Variants in KCNMB4 observed in about 807,000 individuals in gnomAD.
The protein encoded by KCNMB4 is potassium calcium-activated channel subfamily M regulatory beta subunit 4, also known as calcium-activated potassium channel subunit beta-4.
KCNMB4 carries 3 observed loss-of-function variants against 20.7 expected under a neutral mutation model. That is an observed-to-expected ratio of 0.14 (90% CI 0.07 to 0.37). The LOEUF (loss-of-function observed/expected upper bound fraction) is 0.37, where lower values mean the gene tolerates loss of function less well. Among genes scored for constraint, KCNMB4 ranks in the 10% least tolerant of loss-of-function variants. The pLI is 1.00. For synonymous variants in KCNMB4, 110 were observed against 113.4 expected, an observed-to-expected ratio of 0.97 and a Z score of 0.19; for missense variants, 168 against 265.9, an observed-to-expected ratio of 0.63 and a Z score of 2.56.
rs1869413927 is a variant in KCNMB4 at position 70,433,211 on chromosome 12, A to G, written c.*2558A>G. On this transcript the variant is annotated 3_prime_UTR_variant, in exon 3 of 3. Coordinates refer to ENST00000258111, the MANE Select transcript of KCNMB4 (RefSeq NM_014505.6). ...ATAAGCTTACCTTCTTAATGTTTTCATTCTCTTTTTGTATAAATCAGAAAA... is the reference window on the plus strand; with the variant it reads ...ATAAGCTTACCTTCTTAATGTTTTCGTTCTCTTTTTGTATAAATCAGAAAA... 1 of 152,166 alleles carries G rather than the reference A, an allele frequency of 6.6e-6. No homozygotes were observed. The allele number at this position is 152,166 out of a possible 1,614,324, so 9.4% of individuals were successfully genotyped here. A position where few individuals can be genotyped will look rare whatever the true frequency, so the allele number is the denominator to read the frequency against.
chr12:70,388,919 C>T (rs926396313), intron 1 of KCNMB4, among the ~76,000 whole-genome samples: 14 of 151,450 alleles, frequency 9.2e-5, no homozygotes, highest in African/African-American at 3.1e-4. Flanking sequence ...CTCCACTGCT[C>T]CAAACCCTTG....
At position 70,424,422 on chromosome 12, in the gene KCNMB4, C is replaced by T. The variant is rs543484715; in HGVS notation, c.465-6063C>T. ...CGCCACTGCAGTCCAGCCTGGGCAA[C>T]AGAGCGAGACTCCATCTCAGAAAAA... On this transcript the variant is annotated intron_variant, in intron 2 of 2. Transcript: ENST00000258111. Among the ~76,000 whole-genome samples the T allele has an allele frequency of 1.9e-3, 271 of 141,384 alleles. 1 individual carries two copies. The highest frequency in any genetic ancestry group is 6.9e-3 in the African/African-American group (256 of 37,352). The allele number at this position is 141,384 out of a possible 152,430, so 92.8% of individuals were successfully genotyped here. A position where few individuals can be genotyped will look rare whatever the true frequency, so the allele number is the denominator to read the frequency against.
chr12:70,375,306 C>G (rs535645643), intron 1 of KCNMB4, among the ~76,000 whole-genome samples: 1 of 151,932 alleles, frequency 6.6e-6, no homozygotes, highest in South Asian at 2.1e-4. Flanking sequence ...GGTCAGTGGA[C>G]GGGCAGCATC....
chr12:70,407,390 G>A (rs1868634029), intron 2 of KCNMB4, among the ~76,000 whole-genome samples: 1 of 150,736 alleles, frequency 6.6e-6, no homozygotes, highest in Non-Finnish European at 1.5e-5. Flanking sequence ...TTGGCCCTTG[G>A]TGGTTGAGTT....
chr12:70,408,871 CT>C (rs1868689854), intron 2 of KCNMB4, among the ~76,000 whole-genome samples: 1 of 152,102 alleles, frequency 6.6e-6, no homozygotes, highest in Non-Finnish European at 1.5e-5. Flanking sequence ...TCAGCAAAAC[CT>C]AACTTATACC....
chr12:70,374,425 G>C (rs1033698251), intron 1 of KCNMB4, among the ~76,000 whole-genome samples: 9 of 152,028 alleles, frequency 5.9e-5, no homozygotes, highest in African/African-American at 2.2e-4. Context: ...ATTACTCACA[G>C]TAAAATACTG....
intron 2 of KCNMB4, among the ~76,000 whole-genome samples, chr12:70,428,568 T>C (rs1869274562): frequency 6.6e-6 from 1 of 152,226 alleles, no homozygotes. Flanking sequence ...GACTCTTAAA[T>C]ATGATTCTTT....
intron 2 of KCNMB4, 85 bp from the exon 3 acceptor site, chr12:70,430,400 G>A: frequency 7.1e-7 from 1 of 1,399,894 alleles, no homozygotes; most frequent in Non-Finnish European, 1.0e-6. Flanking sequence ...GTTATGGAAA[G>A]CAAGTTTGGC....
intron 1 of KCNMB4, among the ~76,000 whole-genome samples, chr12:70,392,801 G>A (rs1317122700): frequency 1.3e-5 from 2 of 152,076 alleles, no homozygotes; most frequent in Non-Finnish European, 2.9e-5. Flanking sequence ...AGGGACATAG[G>A]GAGGGCAACA....
intron 2 of KCNMB4, among the ~76,000 whole-genome samples, chr12:70,406,688 G>A (rs1446298575): frequency 6.6e-6 from 1 of 152,084 alleles, no homozygotes; most frequent in Admixed American, 6.5e-5. Context: ...GTGCTGTCCT[G>A]ACTAGCTGGT....
At chr12:70,380,846 T>C (rs1437794990) in intron 1 of KCNMB4, among the ~76,000 whole-genome samples, 1 of 152,190 alleles carries the variant, frequency 6.6e-6, no homozygotes, top group East Asian at 1.9e-4. Flanking sequence ...GCTAAAACTT[T>C]AATGCTTGAA....
intron 1 of KCNMB4, among the ~76,000 whole-genome samples, chr12:70,393,997 T>TTC (rs1868327469): frequency 6.6e-6 from 1 of 152,202 alleles, no homozygotes; most frequent in South Asian, 2.1e-4. Flanking sequence ...CTGTGAAGCC[T>TTC]TCTCTTATAC....
intron 2 of KCNMB4, among the ~76,000 whole-genome samples, chr12:70,423,461 C>G (rs1869123504): frequency 6.6e-6 from 1 of 151,820 alleles, no homozygotes; most frequent in Admixed American, 6.6e-5. Context: ...CCTCCCTAGC[C>G]TTTTTCTTTT....
intron 2 of KCNMB4, among the ~76,000 whole-genome samples, chr12:70,411,192 TACA>T (rs1295808743): frequency 1.3e-5 from 2 of 152,138 alleles, no homozygotes; most frequent in African/African-American, 4.8e-5. Context: ...TGTACAAAAT[TACA>T]ACAACTTAAG....
At position 70,432,472 on chromosome 12, in the gene KCNMB4, A is replaced by G. The variant is rs1041439798; in HGVS notation, c.*1819A>G. On this transcript the variant is annotated 3_prime_UTR_variant, in exon 3 of 3. Coordinates refer to ENST00000258111, the MANE Select transcript of KCNMB4 (RefSeq NM_014505.6). Reference sequence around the variant, plus strand: ...TGGAGTGCAGTAGCTATTCACAGGTATGATCATAGCACACTGCAGCCTCAA... The same window carrying G: ...TGGAGTGCAGTAGCTATTCACAGGTGTGATCATAGCACACTGCAGCCTCAA... 6.6e-6 allele frequency: 1 copy of G among 152,186 alleles called. No homozygotes were observed. The highest frequency in any genetic ancestry group is 1.9e-4 in the East Asian group (1 of 5,192). The allele number at this position is 152,186 out of a possible 1,614,324, so 9.4% of individuals were successfully genotyped here. A position where few individuals can be genotyped will look rare whatever the true frequency, so the allele number is the denominator to read the frequency against.
chr12:70,414,675 C>T (rs1868868352), intron 2 of KCNMB4, among the ~76,000 whole-genome samples: 2 of 152,202 alleles, frequency 1.3e-5, no homozygotes, highest in South Asian at 2.1e-4. Context: ...CTACAGCACA[C>T]TATTGATTCA....
chr12:70,378,792 C>T (rs1174016711), intron 1 of KCNMB4, among the ~76,000 whole-genome samples: 3 of 152,158 alleles, frequency 2.0e-5, no homozygotes, highest in Non-Finnish European at 4.4e-5. Flanking sequence ...CCATCTCGGC[C>T]TCCCAAAATG....
chr12:70,400,074 A>G (rs752810846), intron 1 of KCNMB4, 135 bp from the exon 2 acceptor site: 12 of 617,600 alleles, frequency 1.9e-5, no homozygotes, highest in Admixed American at 1.1e-4. Context: ...AGTAATTTCA[A>G]TTTGGTTGTA....
At chr12:70,389,513 T>C (rs991845212) in intron 1 of KCNMB4, among the ~76,000 whole-genome samples, 1 of 151,994 alleles carries the variant, frequency 6.6e-6, no homozygotes, top group Non-Finnish European at 1.5e-5. Flanking sequence ...GGGCAACATA[T>C]TGAGAATCTG....
Sources: gnomAD v4.1 joint callset for allele counts (sites outside exome capture counted in the v4.1 genomes callset) on GRCh38, gnomAD v4.1.1 for gene constraint, MANE v1.5 for transcripts, NCBI Gene and HGNC (gene_info 2026-07-23, HGNC 2026-07-21) for gene names.